The following TTI2 variants were observed in gnomAD, a reference collection of about 807,000 sequenced individuals.
TTI2 encodes the protein TELO2 interacting protein 2.
In TTI2, 26 loss-of-function variants were observed where a neutral mutation model predicts 44.9. The observed-to-expected ratio is 0.58, with a 90% CI of 0.42 to 0.80. TTI2 has a LOEUF of 0.80. TTI2 is among the 30% of genes least tolerant of loss of function. The pLI is 0.00. For missense variants in TTI2, 582 were observed against 611.6 expected, an observed-to-expected ratio of 0.95 and a Z score of 0.51; for synonymous variants, 254 against 250.9, an observed-to-expected ratio of 1.01 and a Z score of -0.12.
At chr8:33,510,043 A>C in intron 2 of TTI2, 111 bp from the exon 3 acceptor site, 1 of 832,302 alleles carries the variant, frequency 1.2e-6, no homozygotes, top group Non-Finnish European at 1.9e-6. Flanking sequence ...TTGAAAAAAA[A>C]AATACATCGC....
chr8:33,509,078 G>A (rs1221482889), intron 3 of TTI2, among the ~76,000 whole-genome samples: 2 of 149,048 alleles, frequency 1.3e-5, no homozygotes, highest in Non-Finnish European at 3.0e-5. Flanking sequence ...GGGAGGCAGA[G>A]GCTGCAGTGA....
In TTI2 at chr8:33,498,783, C is replaced by A; in HGVS notation, c.*390G>T. 1 of 691,070 alleles carries A rather than the reference C, an allele frequency of 1.4e-6. No individual in the cohort carries two copies. The highest frequency in any genetic ancestry group is 2.4e-6 in the Non-Finnish European group (1 of 416,454). The allele number at this position is 691,070 out of a possible 1,614,324, so 42.8% of individuals were successfully genotyped here. Reference sequence around the variant, plus strand: ...TATTATTTATGCCACGTCAGTGGGGCAAGAAATCTGGAGTGAGTGAAGAAA... The same window carrying A: ...TATTATTTATGCCACGTCAGTGGGGAAAGAAATCTGGAGTGAGTGAAGAAA... On this transcript the variant is annotated 3_prime_UTR_variant, in exon 8 of 8. Transcript: ENST00000431156.
intron 2 of TTI2, 97 bp downstream of exon 2, chr8:33,511,870 C>A: frequency 7.1e-7 from 1 of 1,400,792 alleles, no homozygotes; most frequent in Non-Finnish European, 9.8e-7. Context: ...CCCTGGGCAA[C>A]AAGAGTGAAA....
intron 2 of TTI2, among the ~76,000 whole-genome samples, chr8:33,511,154 T>C (rs1385090325): frequency 6.6e-6 from 1 of 152,110 alleles, no homozygotes; most frequent in Non-Finnish European, 1.5e-5. Context: ...GCGATTCTAC[T>C]GCCTCAGCCT....
intron 7 of TTI2, 189 bp from the exon 8 acceptor site, chr8:33,499,466 A>G: frequency 9.4e-6 from 5 of 534,154 alleles, no homozygotes; most frequent in Non-Finnish European, 1.3e-5. Flanking sequence ...GCTCTCATGT[A>G]TTGAAGGTGC....
chr8:33,505,072 A>C (rs1809246156), intron 4 of TTI2, among the ~76,000 whole-genome samples: 2 of 151,986 alleles, frequency 1.3e-5, no homozygotes, highest in African/African-American at 4.8e-5. Context: ...AAAATACAAA[A>C]ATTAGCTGGG....
At chr8:33,508,772 C>T (rs925097647) in intron 3 of TTI2, among the ~76,000 whole-genome samples, 2 of 151,760 alleles carry the variant, frequency 1.3e-5, no homozygotes, top group Non-Finnish European at 1.5e-5. Flanking sequence ...AAAAATTTTT[C>T]CTTGAGTAAT....
In TTI2 at chr8:33,507,919, G is replaced by A. The variant is rs1809357652; in HGVS notation, c.835-598C>T. On this transcript the variant is annotated intron_variant, in intron 3 of 7. Coordinates refer to ENST00000431156, the MANE Select transcript of TTI2 (RefSeq NM_001102401.4). Reference sequence around the variant, plus strand: ...TGGGAGGATCACTTGAGCCCAGGGGGTTGAGGCTGCAGTGAGCTATGATTG... The same window carrying A: ...TGGGAGGATCACTTGAGCCCAGGGGATTGAGGCTGCAGTGAGCTATGATTG... 2.0e-5 allele frequency among the ~76,000 whole-genome samples: 3 copies of A among 149,752 alleles called. No homozygotes were observed. The South Asian group carries it at 6.4e-4, about 32-fold the overall frequency.
chr8:33,507,629 A>T (rs1809347939), intron 3 of TTI2, among the ~76,000 whole-genome samples: 1 of 151,980 alleles, frequency 6.6e-6, no homozygotes, highest in Non-Finnish European at 1.5e-5. Context: ...CATAAACTGA[A>T]CAAAGTAACC....
rs1046486796 is a variant in TTI2, at chr8:33,512,672, G to A, written c.-59C>T. Reference sequence around the variant, plus strand: ...CACAGAACGAGGATGGAGGCGGGGAGGGATCCGTTGAAGAGGGAAGGAGCG... The same window carrying A: ...CACAGAACGAGGATGGAGGCGGGGAAGGATCCGTTGAAGAGGGAAGGAGCG... On this transcript the variant is annotated 5_prime_UTR_variant, in exon 2 of 8. Transcript: ENST00000431156. The A allele has an allele frequency of 2.5e-6, 4 of 1,589,310 alleles. No homozygotes were observed. The highest frequency in any genetic ancestry group is 3.4e-6 in the Non-Finnish European group (4 of 1,168,906).
Position 33,499,145 on chromosome 8 carries a change from C to A in TTI2, c.*28G>T. On this transcript the variant is annotated 3_prime_UTR_variant, in exon 8 of 8. Transcript: ENST00000431156. Reference sequence around the variant, plus strand: ...TACAAATTGGGATGGGAAGAAAATCCTTTCCTCTTGGGAAAGTAATACAAG... The same window carrying A: ...TACAAATTGGGATGGGAAGAAAATCATTTCCTCTTGGGAAAGTAATACAAG... 1 of 1,568,794 alleles carries A rather than the reference C, an allele frequency of 6.4e-7. No individual in the cohort carries two copies. The highest frequency in any genetic ancestry group is 1.1e-5 in the South Asian group (1 of 90,110).
Position 33,498,846 on chromosome 8 carries a change from G to A in TTI2, c.*327C>T, listed in dbSNP as rs1258538640. On this transcript the variant is annotated 3_prime_UTR_variant, in exon 8 of 8. Transcript: ENST00000431156. ...ACAAGAGTGTTTTTATAGCATATGT[G>A]TTGAAGTAACAGCTTGTGCCCGAGA... The A allele has an allele frequency of 3.3e-6, 2 of 597,142 alleles. No homozygotes were observed. Among genetic ancestry groups the A allele is most frequent in the Non-Finnish European group, 5.9e-6 (2 of 340,800 alleles). 37.0% of individuals were successfully genotyped at this position (597,142 alleles called of 1,614,324 possible).
rs537844820 is a variant in TTI2 at position 33,505,178 on chromosome 8, G to A, written c.928-1243C>T. Reference sequence around the variant, plus strand: ...GCGAAGGTTGCAATGTGCCAAGATCGCGCCACTGTACTCCGGCCTGCATGA... The same window carrying A: ...GCGAAGGTTGCAATGTGCCAAGATCACGCCACTGTACTCCGGCCTGCATGA... On this transcript the variant is annotated intron_variant, in intron 4 of 7. Transcript: ENST00000431156. 9.9e-5 allele frequency among the ~76,000 whole-genome samples: 15 copies of A among 152,136 alleles called. No homozygotes were observed. The East Asian group carries it at 2.5e-3, about 26-fold the overall frequency.
chr8:33,498,845 T>C lies in TTI2; in HGVS notation c.*328A>G, dbSNP rs1808948140. The C allele has an allele frequency of 1.7e-6, 1 of 598,210 alleles. No homozygotes were observed. 37.1% of individuals were successfully genotyped at this position (598,210 alleles called of 1,614,324 possible). A position where few individuals can be genotyped will look rare whatever the true frequency, so the allele number is the denominator to read the frequency against. On this transcript the variant is annotated 3_prime_UTR_variant, in exon 8 of 8. Transcript: ENST00000431156. ...AACAAGAGTGTTTTTATAGCATATGTGTTGAAGTAACAGCTTGTGCCCGAG... is the reference window on the plus strand; with the variant it reads ...AACAAGAGTGTTTTTATAGCATATGCGTTGAAGTAACAGCTTGTGCCCGAG...
Position 33,509,930 on chromosome 8 carries a change from T to A in TTI2, c.650A>T (p.Glu217Val). The A allele has an allele frequency of 6.3e-7, 1 of 1,595,642 alleles. No individual in the cohort carries two copies. Among genetic ancestry groups the A allele is most frequent in the African/African-American group, 1.4e-5 (1 of 71,662 alleles). ...LGLLKPDLYK[E>V]SWKNNPAIKH... ...GATGGCAGGGTTATTCTTCCAGGAT[T>A]CCCTAAGTGAATACATAGAATTACA... is the stretch of plus-strand genomic sequence containing the variant. Residue 217 changes from glutamate to valine, a missense_variant and splice_region_variant, in exon 3 of 8, where the codon GAA becomes GTA. Transcript: ENST00000431156.
At chr8:33,501,978 C>T (rs928720838) in intron 6 of TTI2, among the ~76,000 whole-genome samples, 3 of 151,976 alleles carry the variant, frequency 2.0e-5, no homozygotes, top group Non-Finnish European at 4.4e-5. Flanking sequence ...GAGTCTCGCT[C>T]CGTCACCCAG....
intron 2 of TTI2, among the ~76,000 whole-genome samples, chr8:33,510,441 ATCTGGGTTCACTGCAACC>A (rs1284656376): frequency 2.0e-5 from 3 of 152,172 alleles, no homozygotes. Context: ...CAGTGGCACC[ATCTGGGTTCACTGCAACC>A]TCCGCCTCCC....
At chr8:33,507,897 G>A (rs1172760174) in intron 3 of TTI2, among the ~76,000 whole-genome samples, 1 of 150,594 alleles carries the variant, frequency 6.6e-6, no homozygotes, top group Non-Finnish European at 1.5e-5. Flanking sequence ...GCTGAGGTGG[G>A]AGGATCACTT....
chr8:33,506,389 CTTT>C (rs10542848), intron 4 of TTI2, among the ~76,000 whole-genome samples: 7,395 of 107,108 alleles, frequency 0.069, 284 homozygotes, highest in African/African-American at 0.16. Flanking sequence ...AAGTAACGTA[CTTT>C]TTTTTTTTTT....
Sources: allele counts gnomAD v4.1 joint callset (sites outside exome capture counted in the v4.1 genomes callset), GRCh38; gene constraint gnomAD v4.1.1; transcripts MANE v1.5; gene names NCBI Gene and HGNC (gene_info 2026-07-23, HGNC 2026-07-21).